The following GLDC variants were observed in gnomAD, a reference collection of about 807,000 sequenced individuals.
GLDC encodes the protein glycine dehydrogenase (decarboxylating), mitochondrial.
A neutral mutation model predicts 121.3 loss-of-function variants in GLDC; 104 were observed. The ratio of observed to expected loss-of-function variants is 0.86; its 90% CI spans 0.73 to 1.01. The LOEUF is 1.01. Ranked by LOEUF, GLDC falls within the 50% of genes least tolerant of loss-of-function variation. The pLI is 0.00. For synonymous variants in GLDC, 546 were observed against 480.6 expected (o/e 1.14, Z -1.78); for missense variants, 1,429 against 1,306.6 (o/e 1.09, Z -1.44).
intron 15 of GLDC, among the ~76,000 whole-genome samples, chr9:6,586,549 C>A (rs560602624): frequency 6.6e-6 from 1 of 152,166 alleles, no homozygotes; most frequent in Non-Finnish European, 1.5e-5. Context: ...TCCAGGTTCT[C>A]CTGGCCCTGC....
chr9:6,607,194 A>G (rs569955405), intron 4 of GLDC, among the ~76,000 whole-genome samples: 70 of 152,358 alleles, frequency 4.6e-4, no homozygotes, highest in Non-Finnish European at 9.0e-4. Context: ...TTCAATTTCT[A>G]TGTTTACTCA....
chr9:6,564,974 G>A (rs1817826747), intron 16 of GLDC, among the ~76,000 whole-genome samples: 1 of 152,242 alleles, frequency 6.6e-6, no homozygotes, highest in Non-Finnish European at 1.5e-5. Context: ...AGGGGTTACT[G>A]AAGAATTAAA....
chr9:6,543,326 T>C (rs565113039), intron 21 of GLDC, among the ~76,000 whole-genome samples: 59 of 152,144 alleles, frequency 3.9e-4, no homozygotes, highest in African/African-American at 1.4e-3. Context: ...CGAAGGCTAA[T>C]GGAAGCTCAC....
intron 18 of GLDC, chr9:6,555,017 A>C (rs1817593548): frequency 3.4e-6 from 2 of 586,608 alleles, no homozygotes. Context: ...CATTTAGTCC[A>C]ATTTAGATTT....
At chr9:6,641,060 T>G (rs1242937433) in intron 2 of GLDC, among the ~76,000 whole-genome samples, 1 of 152,176 alleles carries the variant, frequency 6.6e-6, no homozygotes, top group Non-Finnish European at 1.5e-5. Context: ...AATAATGACT[T>G]ACTTAGCAGC....
At chr9:6,592,372 G>A (rs1331003244) in intron 10 of GLDC, 149 bp from the exon 11 acceptor site, 1 of 694,310 alleles carries the variant, frequency 1.4e-6, no homozygotes, top group African/African-American at 1.8e-5. Context: ...CTAAGGCTTA[G>A]AGGAAGGTGG....
Position 6,536,117 on chromosome 9 carries a change from C to A in GLDC, c.2785G>T (p.Glu929Ter). ...CGGCCCTCCTCAATGTCAGCAATTT[C>A]CTGCCGAATGCTGATCATGGCATCA... ...FCDAMISIRQ[E>*]IADIEEGRID... The change falls in exon 23 of 25, where the codon GAA becomes TAA. Residue 929 changes from glutamate (E) to a stop codon, truncating the protein, a stop_gained. Transcript: ENST00000321612. LOFTEE classifies it high-confidence loss of function. 3 of 1,614,140 alleles carry A rather than the reference C, an allele frequency of 1.9e-6. No homozygotes were observed. The highest frequency in any genetic ancestry group is 2.5e-6 in the Non-Finnish European group (3 of 1,179,968).
At chr9:6,603,260 A>G (rs185598987) in intron 7 of GLDC, among the ~76,000 whole-genome samples, 1 of 151,516 alleles carries the variant, frequency 6.6e-6, no homozygotes, top group East Asian at 2.0e-4. Flanking sequence ...AATCACACAA[A>G]TTTTTAAAAA....
chr9:6,643,095 G>C (rs1323569977), intron 2 of GLDC, among the ~76,000 whole-genome samples: 1 of 151,708 alleles, frequency 6.6e-6, no homozygotes, highest in African/African-American at 2.4e-5. Flanking sequence ...ATGGGGTCTC[G>C]CAATATTGCC....
intron 17 of GLDC, 72 bp from the exon 18 acceptor site, chr9:6,556,374 T>C (rs1817631512): frequency 4.0e-6 from 5 of 1,264,034 alleles, no homozygotes; most frequent in Middle Eastern, 1.8e-4. Flanking sequence ...TCCTCGCCTT[T>C]CATTTTAAAG....
chr9:6,620,105 A>C, intron 3 of GLDC, 79 bp downstream of exon 3: 1 of 1,423,112 alleles, frequency 7.0e-7, no homozygotes, highest in Non-Finnish European at 9.9e-7. Context: ...AGGCTCTGAG[A>C]CTGCAAGGGG....
At chr9:6,599,695 T>G (rs1465962947) in intron 8 of GLDC, among the ~76,000 whole-genome samples, 3 of 139,560 alleles carry the variant, frequency 2.1e-5, no homozygotes, top group Non-Finnish European at 4.5e-5. Context: ...CATGCCAGCC[T>G]GGGTGACAGA....
intron 16 of GLDC, among the ~76,000 whole-genome samples, chr9:6,560,911 C>G (rs1243533072): frequency 6.6e-6 from 1 of 152,154 alleles, no homozygotes; most frequent in African/African-American, 2.4e-5. Flanking sequence ...CTTAAGTGTC[C>G]TCATCAGAGG....
chr9:6,574,403 G>T (rs1334311850), intron 15 of GLDC, among the ~76,000 whole-genome samples: 2 of 151,162 alleles, frequency 1.3e-5, no homozygotes, highest in Non-Finnish European at 2.9e-5. Context: ...GGAGGTGGAG[G>T]TTGCAGTGAG....
At chr9:6,592,081 A>G (rs1457330587) in intron 11 of GLDC, 62 bp downstream of exon 11, 2 of 996,870 alleles carry the variant, frequency 2.0e-6, no homozygotes, top group African/African-American at 3.2e-5. Context: ...TCAGGGGATA[A>G]GCTACTTTTG....
intron 22 of GLDC, among the ~76,000 whole-genome samples, chr9:6,536,981 A>G (rs1817141090): frequency 6.6e-6 from 1 of 152,128 alleles, no homozygotes; most frequent in African/African-American, 2.4e-5. Flanking sequence ...GATTTCCAGG[A>G]CAAAAATCAA....
intron 15 of GLDC, among the ~76,000 whole-genome samples, chr9:6,569,560 G>A (rs970287024): frequency 1.3e-5 from 2 of 152,170 alleles, no homozygotes; most frequent in Non-Finnish European, 1.5e-5. Flanking sequence ...GCTGAGGCGG[G>A]AGAATTGCTT....
At chr9:6,626,355 T>C (rs1322496083) in intron 2 of GLDC, among the ~76,000 whole-genome samples, 1 of 152,074 alleles carries the variant, frequency 6.6e-6, no homozygotes, top group African/African-American at 2.4e-5. Context: ...AGAAGCGCAA[T>C]TGACTACAGA....
intron 21 of GLDC, 83 bp downstream of exon 21, chr9:6,550,720 C>A: frequency 1.2e-6 from 1 of 821,430 alleles, no homozygotes; most frequent in Non-Finnish European, 2.2e-6. Flanking sequence ...GTCTCTTGCC[C>A]ATGTCAGAAA....
Sources: gnomAD v4.1 joint callset for allele counts (sites outside exome capture counted in the v4.1 genomes callset) on GRCh38, gnomAD v4.1.1 for gene constraint, MANE v1.5 for transcripts, NCBI Gene and HGNC (gene_info 2026-07-23, HGNC 2026-07-21) for gene names.